The following CCDC62 variants were observed in gnomAD, a reference collection of about 807,000 sequenced individuals.
CCDC62 encodes the protein coiled-coil domain-containing protein 62.
In CCDC62, 72 loss-of-function variants were observed where a neutral mutation model predicts 80.8. That is an observed-to-expected ratio of 0.89 (90% confidence interval 0.74 to 1.08). The LOEUF (loss-of-function observed/expected upper bound fraction) is 1.08, where lower values mean the gene tolerates loss of function less well. Among genes scored for constraint, CCDC62 ranks in the 50% least tolerant of loss-of-function variants. The pLI is 0.00. For missense variants in CCDC62, 704 were observed against 809.4 expected, an observed-to-expected ratio of 0.87 and a Z score of 1.58; for synonymous variants, 286 against 296.5, an observed-to-expected ratio of 0.96 and a Z score of 0.36.
chr12:122,824,955 G>A (rs908155810), intron 12 of CCDC62, among the ~76,000 whole-genome samples: 1 of 151,796 alleles, frequency 6.6e-6, no homozygotes, highest in Admixed American at 6.6e-5. Context: ...GTTTGGTGGT[G>A]CATGCCTGTA....
chr12:122,810,758 C>G (rs2135575623), intron 10 of CCDC62, among the ~76,000 whole-genome samples: 1 of 152,232 alleles, frequency 6.6e-6, no homozygotes, highest in East Asian at 1.9e-4. Context: ...TAGCAAAGAC[C>G]TGGAACCAAC....
rs1966687600 is a variant in CCDC62, at chr12:122,797,371, T to A, written c.837T>A (p.Asn279Lys). Reference sequence around the variant, plus strand: ...CGAAGTCAAAGCAAGAACGCACAAATTCAGAACTGCACAATCTGAGACAGG... The same window carrying A: ...CGAAGTCAAAGCAAGAACGCACAAAATCAGAACTGCACAATCTGAGACAGG... The part of the protein sequence containing the change: ...NIAKSKQERT[N>K]SELHNLRQIY... Residue 279 changes from asparagine to lysine, a missense_variant, in exon 7 of 13, where the codon AAT (asparagine) becomes AAA (lysine). Coordinates refer to ENST00000253079, the MANE Select transcript of CCDC62 (RefSeq NM_201435.5). 1.9e-6 allele frequency: 3 copies of A among 1,594,484 alleles called. No individual in the cohort carries two copies. Among genetic ancestry groups the A allele is most frequent in the Non-Finnish European group, 2.6e-6 (3 of 1,162,504 alleles).
Position 122,797,295 on chromosome 12 carries a change from G to T in CCDC62, c.773-12G>T, listed in dbSNP as rs1315181104. 7.5e-7 allele frequency: 1 copy of T among 1,330,214 alleles called. No homozygotes were observed. Among genetic ancestry groups the T allele is most frequent in the East Asian group, 2.3e-5 (1 of 43,532 alleles). 82.4% of individuals were successfully genotyped at this position (1,330,214 alleles called of 1,614,324 possible). A position where few individuals can be genotyped will look rare whatever the true frequency, so the allele number is the denominator to read the frequency against. ...CTGATGAAAAATGTTAATAATACTT[G>T]TTCTTAAATAGTAGAGAGAGAAAAG... On this transcript the variant is annotated splice_polypyrimidine_tract_variant and intron_variant, in intron 6 of 12. Transcript: ENST00000253079.
rs1007679763 is a variant in CCDC62, at chr12:122,797,410, A to G, written c.861+15A>G. ...ATCTGAGACAGGTATGTCCCCAATC[A>G]TCCTTCTCTGTCACATAAGAAATGT... On this transcript the variant is annotated intron_variant, in intron 7 of 12. Coordinates refer to ENST00000253079, the MANE Select transcript of CCDC62 (RefSeq NM_201435.5). The G allele has an allele frequency of 3.6e-6, 5 of 1,396,946 alleles. No individual in the cohort carries two copies. The highest frequency in any genetic ancestry group is 5.1e-6 in the Non-Finnish European group (5 of 984,850). The allele number at this position is 1,396,946 out of a possible 1,614,324, so 86.5% of individuals were successfully genotyped here.
intron 10 of CCDC62, among the ~76,000 whole-genome samples, chr12:122,807,760 C>T (rs1347968318): frequency 6.6e-6 from 1 of 152,102 alleles, no homozygotes; most frequent in African/African-American, 2.4e-5. Flanking sequence ...CTTCCTCTGC[C>T]CTGTGCGTCC....
chr12:122,818,543 G>A (rs1348118515), intron 11 of CCDC62, among the ~76,000 whole-genome samples: 1 of 151,892 alleles, frequency 6.6e-6, no homozygotes, highest in African/African-American at 2.4e-5. Context: ...AGGATCGCTT[G>A]AGCATGAGGT....
At chr12:122,811,457 C>T (rs1271512449) in intron 10 of CCDC62, among the ~76,000 whole-genome samples, 22 of 149,738 alleles carry the variant, frequency 1.5e-4, no homozygotes, top group Non-Finnish European at 3.1e-4. Context: ...GTGATCTGCT[C>T]GCCTCAGCCT....
At chr12:122,786,212 G>A (rs545693467) in intron 4 of CCDC62, among the ~76,000 whole-genome samples, 2,182 of 151,972 alleles carry the variant, frequency 0.014, 38 homozygotes, top group African/African-American at 0.041. Flanking sequence ...CAGTGGCTCC[G>A]TCTCAGCTCG....
Position 122,788,036 on chromosome 12 carries a change from G to C in CCDC62, c.499-722G>C, listed in dbSNP as rs369843286. ...TATTATTCTATAAGTCCTAGTGTGAGATGTGCAGACAATGTGATTTTTCAG... is the reference window on the plus strand; with the variant it reads ...TATTATTCTATAAGTCCTAGTGTGACATGTGCAGACAATGTGATTTTTCAG... On this transcript the variant is annotated intron_variant, in intron 4 of 12. Transcript: ENST00000253079. Among the ~76,000 whole-genome samples the C allele has an allele frequency of 1.4e-4, 22 of 152,314 alleles. No homozygotes were observed. In the East Asian group the frequency reaches 4.2e-3, roughly 29 times the overall value.
rs143361087 is a variant in CCDC62 at position 122,792,059 on chromosome 12, G to A, written c.710G>A (p.Arg237Gln). The change falls in exon 6 of 13, where the codon CGA (arginine) becomes CAA (glutamine). Residue 237 changes from arginine (R) to glutamine (Q), a missense_variant. Coordinates refer to ENST00000253079, the MANE Select transcript of CCDC62 (RefSeq NM_201435.5). ...AAGACGACAGAAAATAATGAGCAACGAGAAGAGATCATTCGCCTCAAGCAA... is the reference window on the plus strand; with the variant it reads ...AAGACGACAGAAAATAATGAGCAACAAGAAGAGATCATTCGCCTCAAGCAA... ...NEKTTENNEQREEIIRLKQEK... is the reference protein window; with the variant it reads ...NEKTTENNEQQEEIIRLKQEK... 1.0e-4 allele frequency: 162 copies of A among 1,614,046 alleles called. No homozygotes were observed. Among genetic ancestry groups the A allele is most frequent in the African/African-American group, 4.8e-4 (36 of 75,056 alleles).
At chr12:122,809,665 ATACTT>A (rs1162792777) in intron 10 of CCDC62, among the ~76,000 whole-genome samples, 2 of 152,228 alleles carry the variant, frequency 1.3e-5, no homozygotes, top group Non-Finnish European at 2.9e-5. Flanking sequence ...TTGGAAAAAA[ATACTT>A]TAAAGTTCAT....
At position 122,801,274 on chromosome 12, in the gene CCDC62, CAA is replaced by C. The variant is rs2135559526; in HGVS notation, c.1130_1131del (p.Lys377ArgfsTer43). Reference protein sequence around the residue: ...RSDKSSCDECKEKKQQIDTVF... With the variant: ...RSDKSSCDECXEKKQQIDTVF... ...CAGACAAGAGCTCTTGCGATGAATG[CAA>C]AGAGAAGAAACAACAGATCGATACT... On this transcript the variant is annotated frameshift_variant, in exon 9 of 13. Coordinates refer to ENST00000253079, the MANE Select transcript of CCDC62 (RefSeq NM_201435.5). LOFTEE classifies it high-confidence loss of function. 6.2e-7 allele frequency: 1 copy of C among 1,614,030 alleles called. No homozygotes were observed. Among genetic ancestry groups the C allele is most frequent in the African/African-American group, 1.3e-5 (1 of 75,002 alleles).
At chr12:122,785,695 A>G (rs1170298629) in intron 3 of CCDC62, 24 bp from the exon 4 acceptor site, 3 of 1,468,952 alleles carry the variant, frequency 2.0e-6, no homozygotes, top group African/African-American at 2.8e-5. Flanking sequence ...CTCAAGCAGT[A>G]TCATCTGTGT....
intron 4 of CCDC62, among the ~76,000 whole-genome samples, chr12:122,787,478 G>A (rs551998890): frequency 3.4e-5 from 5 of 149,118 alleles, no homozygotes; most frequent in Non-Finnish European, 4.4e-5. Flanking sequence ...AAGGTCGGTC[G>A]TGGTGGCTCA....
intron 10 of CCDC62, among the ~76,000 whole-genome samples, chr12:122,807,234 T>G (rs1421657688): frequency 6.6e-6 from 1 of 151,894 alleles, no homozygotes; most frequent in Non-Finnish European, 1.5e-5. Context: ...TTTAAAAACA[T>G]AAAAGAGGAA....
chr12:122,826,329 G>A, intron 12 of CCDC62, 93 bp from the exon 13 acceptor site: 2 of 689,056 alleles, frequency 2.9e-6, no homozygotes, highest in African/African-American at 1.8e-5. Flanking sequence ...AGGATGTAGA[G>A]TTAATATTTT....
At chr12:122,800,164 CTTTTTTTTTTTT>C (rs59113229) in intron 8 of CCDC62, among the ~76,000 whole-genome samples, 2 of 104,924 alleles carry the variant, frequency 1.9e-5, no homozygotes, top group African/African-American at 3.9e-5. Flanking sequence ...TGCCCGGCTA[CTTTTTTTTTTTT>C]TTTTTTTTTT....
chr12:122,813,374 A>G lies in CCDC62; in HGVS notation c.1956A>G (p.Thr652=), dbSNP rs2032027087. Residue 652 remains threonine (T), a synonymous_variant, in exon 11 of 13, where the codon ACA becomes ACG. Coordinates refer to ENST00000253079, the MANE Select transcript of CCDC62 (RefSeq NM_201435.5). ...RQMVTDLELS[T]LLPISHENLT... ...TGGTGACGGACCTGGAGCTGAGCAC[A>G]CTGCTGCCCATCAGCCATGAGAATC... 6.2e-7 allele frequency: 1 copy of G among 1,613,678 alleles called. No individual in the cohort carries two copies. The highest frequency in any genetic ancestry group is 8.5e-7 in the Non-Finnish European group (1 of 1,179,904).
At chr12:122,816,552 C>T (rs767225699) in intron 11 of CCDC62, among the ~76,000 whole-genome samples, 22 of 152,184 alleles carry the variant, frequency 1.4e-4, no homozygotes, top group Non-Finnish European at 2.4e-4. Flanking sequence ...ATTGAAAAAC[C>T]CCACCTCTAC....
Sources: allele counts gnomAD v4.1 joint callset (sites outside exome capture counted in the v4.1 genomes callset), GRCh38; gene constraint gnomAD v4.1.1; transcripts MANE v1.5; gene names NCBI Gene and HGNC (gene_info 2026-07-23, HGNC 2026-07-21).